Variants in EPC2 observed in about 807,000 individuals in gnomAD.
EPC2 encodes enhancer of polycomb 2, also known as enhancer of polycomb homolog 2.
EPC2 carries 14 observed loss-of-function variants against 92.1 expected under a neutral mutation model. The ratio of observed to expected loss-of-function variants is 0.15; its 90% CI spans 0.10 to 0.24. EPC2 has a LOEUF of 0.24. Among genes scored for constraint, EPC2 ranks in the 10% least tolerant of loss-of-function variants. The pLI is 1.00. For synonymous variants in EPC2, 340 were observed against 334.7 expected, an observed-to-expected ratio of 1.02 and a Z score of -0.17; for missense variants, 755 against 971.5, an observed-to-expected ratio of 0.78 and a Z score of 2.96.
At chr2:148,719,556 A>G (rs1241178651) in intron 2 of EPC2, among the ~76,000 whole-genome samples, 1 of 152,186 alleles carries the variant, frequency 6.6e-6, no homozygotes, top group Non-Finnish European at 1.5e-5. Context: ...ACCTGGAGGT[A>G]TCACCAGTGA....
At chr2:148,704,187 T>C (rs2105379336) in intron 2 of EPC2, among the ~76,000 whole-genome samples, 1 of 152,344 alleles carries the variant, frequency 6.6e-6, no homozygotes, top group South Asian at 2.1e-4. Context: ...AAATGTGGCG[T>C]GTACTTAGAA....
intron 7 of EPC2, 67 bp from the exon 8 acceptor site, chr2:148,769,084 T>C (rs1683468174): frequency 2.0e-6 from 2 of 996,852 alleles, no homozygotes; most frequent in Non-Finnish European, 3.1e-6. Flanking sequence ...ATTTACATTT[T>C]AGAGTATTAC....
At chr2:148,742,005 CTTT>C (rs1682888522) in intron 2 of EPC2, among the ~76,000 whole-genome samples, 1 of 152,138 alleles carries the variant, frequency 6.6e-6, no homozygotes, top group Admixed American at 6.5e-5. Context: ...CTCCCCTTAG[CTTT>C]TTTCATTTAA....
intron 1 of EPC2, among the ~76,000 whole-genome samples, chr2:148,681,496 G>A (rs1472992360): frequency 6.6e-6 from 1 of 152,174 alleles, no homozygotes; most frequent in African/African-American, 2.4e-5. Flanking sequence ...ACACAAATGG[G>A]TAGTTTGAAT....
At chr2:148,705,778 TAACA>T (rs1270742974) in intron 2 of EPC2, among the ~76,000 whole-genome samples, 1 of 152,052 alleles carries the variant, frequency 6.6e-6, no homozygotes, top group Non-Finnish European at 1.5e-5. Flanking sequence ...GAAGGAAAAC[TAACA>T]AACAAAAAGG....
rs1476802794 is a variant in EPC2 at position 148,762,751 on chromosome 2, A to G, written c.897A>G (p.Pro299=). 6.2e-7 allele frequency: 1 copy of G among 1,610,890 alleles called. No individual in the cohort carries two copies. The highest frequency in any genetic ancestry group is 1.7e-5 in the Admixed American group (1 of 59,426). The stretch of plus-strand genomic sequence containing the variant: ...CAGAAAAAGAGTTATATGCCACTCC[A>G]GCAACTCTTCATAATGGAAATCATC... ...SRSEKELYAT[P]ATLHNGNHHK... Residue 299 remains proline (P), a synonymous_variant, in exon 6 of 14, where the codon CCA becomes CCG. Transcript: ENST00000258484.
intron 1 of EPC2, among the ~76,000 whole-genome samples, chr2:148,665,637 AT>A (rs1462948715): frequency 2.6e-5 from 4 of 152,226 alleles, no homozygotes; most frequent in African/African-American, 9.6e-5. Context: ...TTCTAGAATT[AT>A]GATGTTTAGG....
chr2:148,704,367 A>G (rs1388426471), intron 2 of EPC2, among the ~76,000 whole-genome samples: 1 of 152,106 alleles, frequency 6.6e-6, no homozygotes, highest in African/African-American at 2.4e-5. Context: ...GAGAGGGAGA[A>G]ATGGGGAGTT....
intron 10 of EPC2, among the ~76,000 whole-genome samples, chr2:148,776,856 C>CTCTCTTTTTTTTTTT (rs1247135854): frequency 3.0e-5 from 3 of 101,030 alleles, no homozygotes; most frequent in African/African-American, 1.1e-4. Flanking sequence ...GTCTCTCTCT[C>CTCTCTTTTTTTTTTT]TTTTTTTTTT....
At chr2:148,730,491 A>G (rs766488703) in intron 2 of EPC2, among the ~76,000 whole-genome samples, 112 of 152,332 alleles carry the variant, frequency 7.4e-4, no homozygotes, top group Non-Finnish European at 1.1e-3. Flanking sequence ...ACATGGTCCA[A>G]CATCACTTGG....
chr2:148,646,298 G>C (rs1683799347), intron 1 of EPC2, among the ~76,000 whole-genome samples: 1 of 152,130 alleles, frequency 6.6e-6, no homozygotes, highest in African/African-American at 2.4e-5. Flanking sequence ...CCTTCGATTG[G>C]CTGGTTGAGT....
intron 2 of EPC2, among the ~76,000 whole-genome samples, chr2:148,721,158 C>A (rs1414731320): frequency 6.6e-6 from 1 of 152,082 alleles, no homozygotes; most frequent in East Asian, 1.9e-4. Context: ...GAGTTTCTAA[C>A]CTATATCATT....
intron 1 of EPC2, among the ~76,000 whole-genome samples, chr2:148,656,760 C>G (rs1559139286): frequency 6.6e-6 from 1 of 152,164 alleles, no homozygotes; most frequent in Non-Finnish European, 1.5e-5. Context: ...AAGATGTACC[C>G]ATTCACAAGC....
chr2:148,781,865 A>G, intron 11 of EPC2, 85 bp downstream of exon 11: 2 of 1,525,058 alleles, frequency 1.3e-6, no homozygotes, highest in South Asian at 1.3e-5. Context: ...CACAGAAGAT[A>G]ATCTTGGTTT....
At chr2:148,711,542 A>T (rs970589870) in intron 2 of EPC2, among the ~76,000 whole-genome samples, 4 of 152,110 alleles carry the variant, frequency 2.6e-5, no homozygotes, top group Non-Finnish European at 2.9e-5. Flanking sequence ...GTTTTAGAAA[A>T]AGTGTGTTCT....
chr2:148,664,884 T>C (rs1296023731), intron 1 of EPC2, among the ~76,000 whole-genome samples: 2 of 152,258 alleles, frequency 1.3e-5, no homozygotes, highest in African/African-American at 4.8e-5. Flanking sequence ...TGTTTATCTT[T>C]AGAGTGATTT....
chr2:148,711,792 T>C (rs1682148449), intron 2 of EPC2, among the ~76,000 whole-genome samples: 1 of 152,208 alleles, frequency 6.6e-6, no homozygotes, highest in African/African-American at 2.4e-5. Flanking sequence ...CATTAGGGAT[T>C]GTTATATCTT....
At chr2:148,782,869 A>G (rs1400114224) in intron 11 of EPC2, among the ~76,000 whole-genome samples, 1 of 152,210 alleles carries the variant, frequency 6.6e-6, no homozygotes, top group Non-Finnish European at 1.5e-5. Flanking sequence ...TATAATTCTA[A>G]AACCACTTCT....
intron 7 of EPC2, 104 bp from the exon 8 acceptor site, chr2:148,769,047 T>C: frequency 1.3e-6 from 1 of 773,922 alleles, no homozygotes; most frequent in Non-Finnish European, 2.2e-6. Context: ...ATATGTAATA[T>C]AGAAGTGATT....
Sources: allele counts gnomAD v4.1 joint callset (sites outside exome capture counted in the v4.1 genomes callset), GRCh38; gene constraint gnomAD v4.1.1; transcripts MANE v1.5; gene names NCBI Gene and HGNC (gene_info 2026-07-23, HGNC 2026-07-21).